Variants in PPIL6 observed in about 807,000 individuals in gnomAD.
The protein encoded by PPIL6 is peptidylprolyl isomerase like 6, also known as probable inactive peptidyl-prolyl cis-trans isomerase-like 6.
In PPIL6, 39 loss-of-function variants were observed where a neutral mutation model predicts 36.8. That is an observed-to-expected ratio of 1.06 (90% CI 0.82 to 1.38). The LOEUF (loss-of-function observed/expected upper bound fraction) is 1.38, where lower values mean the gene tolerates loss of function less well. Among genes scored for constraint, PPIL6 ranks in the 40% most tolerant of loss-of-function variants. The pLI is 0.00. For synonymous variants in PPIL6, 123 were observed against 134.1 expected, an observed-to-expected ratio of 0.92 and a Z score of 0.57; for missense variants, 368 against 379.1, an observed-to-expected ratio of 0.97 and a Z score of 0.24.
At chr6:109,409,864 G>A (rs971924485) in intron 6 of PPIL6, among the ~76,000 whole-genome samples, 3 of 152,178 alleles carry the variant, frequency 2.0e-5, no homozygotes, top group Admixed American at 1.3e-4. Context: ...AGAAACTGAA[G>A]AGGATGCCCC....
intron 6 of PPIL6, chr6:109,403,038 T>C (rs1159137145): frequency 6.5e-7 from 1 of 1,530,460 alleles, no homozygotes; most frequent in African/African-American, 1.4e-5. Flanking sequence ...CACCTCGGTA[T>C]TTCTCGATCT....
chr6:109,400,169 A>G lies in PPIL6; in HGVS notation c.690T>C (p.Asp230=). 3.1e-6 allele frequency: 5 copies of G among 1,609,754 alleles called. No homozygotes were observed. Among genetic ancestry groups the G allele is most frequent in the African/African-American group, 1.3e-5 (1 of 74,990 alleles). ...TATTATGAGGAACTGAAAAGTTTTCATCTAGGAAAGACAATAATCAGTAGG... is the reference window on the plus strand; with the variant it reads ...TATTATGAGGAACTGAAAAGTTTTCGTCTAGGAAAGACAATAATCAGTAGG... The part of the protein sequence containing the change: ...GESIYGPTFE[D]ENFSVPHNKR... The change falls in exon 7 of 8, where the codon GAT becomes GAC. Residue 230 remains aspartate (D), a splice_region_variant and synonymous_variant. Coordinates refer to ENST00000521072, the MANE Select transcript of PPIL6 (RefSeq NM_173672.5).
intron 1 of PPIL6, among the ~76,000 whole-genome samples, chr6:109,437,641 G>A (rs1175333610): frequency 7.1e-6 from 1 of 141,500 alleles, no homozygotes; most frequent in Non-Finnish European, 1.5e-5. Context: ...TGCAACCTCC[G>A]TCTCCTGGGT....
chr6:109,431,860 GA>G (rs1222164557), intron 2 of PPIL6, among the ~76,000 whole-genome samples: 1 of 152,114 alleles, frequency 6.6e-6, no homozygotes, highest in Non-Finnish European at 1.5e-5. Context: ...CCCTTCTTCT[GA>G]TTCATTCTTT....
At chr6:109,404,077 A>G (rs1406252824) in intron 6 of PPIL6, among the ~76,000 whole-genome samples, 1 of 152,214 alleles carries the variant, frequency 6.6e-6, no homozygotes, top group Non-Finnish European at 1.5e-5. Context: ...CCAACCGAAT[A>G]ATAAAAACTT....
chr6:109,424,305 A>C (rs9480956), intron 5 of PPIL6, among the ~76,000 whole-genome samples: 79,373 of 151,986 alleles, frequency 0.52, 21,878 homozygotes, highest in African/African-American at 0.71. Flanking sequence ...CCTCAGGGCC[A>C]ATGCATGCTT....
At position 109,390,768 on chromosome 6, in the gene PPIL6, C is replaced by T. The variant is rs1322500481; in HGVS notation, c.*2058G>A. 6.6e-6 allele frequency: 1 copy of T among 152,198 alleles called. No homozygotes were observed. The highest frequency in any genetic ancestry group is 1.5e-5 in the Non-Finnish European group (1 of 68,060). 9.4% of individuals were successfully genotyped at this position (152,198 alleles called of 1,614,324 possible). ...GTCAGCTGCCTGGTTTGATATTGTA[C>T]TACCGTTTTGTAAGCGTAGCCACTG... On this transcript the variant is annotated 3_prime_UTR_variant, in exon 8 of 8. Coordinates refer to ENST00000521072, the MANE Select transcript of PPIL6 (RefSeq NM_173672.5).
At chr6:109,420,966 A>T (rs1485393346) in intron 5 of PPIL6, among the ~76,000 whole-genome samples, 1 of 152,226 alleles carries the variant, frequency 6.6e-6, no homozygotes, top group Admixed American at 6.5e-5. Flanking sequence ...AGCCCCAGGC[A>T]GCTCTTGAAA....
intron 6 of PPIL6, among the ~76,000 whole-genome samples, chr6:109,409,548 T>C (rs116279859): frequency 0.013 from 1,968 of 151,098 alleles, 45 homozygotes; most frequent in African/African-American, 0.046. Flanking sequence ...TGGGCGACAG[T>C]GTCGTGAGAC....
chr6:109,409,053 A>C (rs571601779), intron 6 of PPIL6, among the ~76,000 whole-genome samples: 5 of 152,364 alleles, frequency 3.3e-5, no homozygotes, highest in African/African-American at 9.6e-5. Context: ...TTGAGATGCA[A>C]GGATGGTTCA....
At chr6:109,404,317 T>C (rs998813859) in intron 6 of PPIL6, among the ~76,000 whole-genome samples, 1 of 152,214 alleles carries the variant, frequency 6.6e-6, no homozygotes. Flanking sequence ...GGTGCTCTGA[T>C]AATGGCTGTG....
chr6:109,409,527 G>A (rs937623301), intron 6 of PPIL6, among the ~76,000 whole-genome samples: 1 of 151,684 alleles, frequency 6.6e-6, no homozygotes, highest in African/African-American at 2.4e-5. Flanking sequence ...TCACGCCACT[G>A]CACCCCAGCC....
chr6:109,420,001 A>G (rs1288400242), intron 5 of PPIL6, among the ~76,000 whole-genome samples: 3 of 152,160 alleles, frequency 2.0e-5, no homozygotes, highest in Non-Finnish European at 2.9e-5. Flanking sequence ...AGATTAAACT[A>G]AGAGGCTAAA....
intron 6 of PPIL6, among the ~76,000 whole-genome samples, chr6:109,401,754 T>C (rs1393350492): frequency 1.3e-5 from 2 of 150,962 alleles, no homozygotes; most frequent in African/African-American, 4.9e-5. Context: ...AGATGGAGTC[T>C]CGCTCTGTTG....
In PPIL6 at chr6:109,403,148, A is replaced by G. The variant is rs371905579; in HGVS notation, c.689-2978T>C. On this transcript the variant is annotated intron_variant, in intron 6 of 7. Coordinates refer to ENST00000521072, the MANE Select transcript of PPIL6 (RefSeq NM_173672.5). ...CTATAATTTAAATTTAAATTAAATT[A>G]AATTTTTTTAGAGAAGGCATCTTGC... is the stretch of plus-strand genomic sequence containing the variant. 3.3e-4 allele frequency: 462 copies of G among 1,394,172 alleles called. 3 individuals are homozygous for G. The East Asian group carries it at 9.1e-3, about 27-fold the overall frequency. The allele number at this position is 1,394,172 out of a possible 1,614,324, so 86.4% of individuals were successfully genotyped here. A position where few individuals can be genotyped will look rare whatever the true frequency, so the allele number is the denominator to read the frequency against.
At chr6:109,411,212 T>G (rs1338186584) in intron 6 of PPIL6, among the ~76,000 whole-genome samples, 2 of 152,114 alleles carry the variant, frequency 1.3e-5, no homozygotes, top group Non-Finnish European at 2.9e-5. Flanking sequence ...TAGGAGTAAT[T>G]CTGGCAGGAA....
chr6:109,407,178 C>CTA (rs962281684), intron 6 of PPIL6, among the ~76,000 whole-genome samples: 21 of 151,902 alleles, frequency 1.4e-4, no homozygotes, highest in African/African-American at 3.9e-4. Flanking sequence ...GTGGATAGAG[C>CTA]TATATATATA....
intron 7 of PPIL6, among the ~76,000 whole-genome samples, chr6:109,396,842 C>T (rs1303560281): frequency 5.9e-5 from 9 of 151,912 alleles, no homozygotes; most frequent in Non-Finnish European, 1.2e-4. Flanking sequence ...TCTGAGAGAG[C>T]GGCAGGTTCA....
intron 6 of PPIL6, among the ~76,000 whole-genome samples, chr6:109,409,202 TCTC>T (rs924932501): frequency 6.6e-6 from 1 of 152,122 alleles, no homozygotes; most frequent in African/African-American, 2.4e-5. Context: ...TGGGTATAGT[TCTC>T]CTAGTACTAT....
Sources: allele counts gnomAD v4.1 joint callset (sites outside exome capture counted in the v4.1 genomes callset), GRCh38; gene constraint gnomAD v4.1.1; transcripts MANE v1.5; gene names NCBI Gene and HGNC (gene_info 2026-07-23, HGNC 2026-07-21).